Variants in PRX observed in about 807,000 individuals in gnomAD.
PRX encodes periaxin.
In PRX, 24 loss-of-function variants were observed where a neutral mutation model predicts 29.6. The observed-to-expected ratio is 0.81, with a 90% CI of 0.59 to 1.14. The LOEUF (loss-of-function observed/expected upper bound fraction) is 1.14. PRX is among the 50% of genes most tolerant of loss of function. The pLI is 0.00. For missense variants in PRX, 1,838 were observed against 1,926.4 expected, an observed-to-expected ratio of 0.95 and a Z score of 0.86; for synonymous variants, 772 against 831.7, an observed-to-expected ratio of 0.93 and a Z score of 1.24.
chr19:40,394,653 C>G lies in PRX; in HGVS notation c.3699G>C (p.Ala1233=). 1 of 1,608,136 alleles carries G rather than the reference C, an allele frequency of 6.2e-7. No individual in the cohort carries two copies. Among genetic ancestry groups the G allele is most frequent in the Non-Finnish European group, 8.5e-7 (1 of 1,179,856 alleles). ...LDVGLSREAQ[A]GEAATGEGGL... Reference sequence around the variant, plus strand: ...CACCCTCGCCTGTGGCCGCCTCGCCCGCCTGTGCCTCTCGGCTTAGCCCCA... The same window carrying G: ...CACCCTCGCCTGTGGCCGCCTCGCCGGCCTGTGCCTCTCGGCTTAGCCCCA... Residue 1233 remains alanine, a synonymous_variant, in exon 7 of 7, where the codon GCG becomes GCC. Coordinates refer to ENST00000324001, the MANE Select transcript of PRX (RefSeq NM_181882.3). The surrounding 1 kb of genome is among the most constrained non-coding windows in gnomAD (Gnocchi z 5.8).
At chr19:40,404,840 C>T (rs996844619) in intron 4 of PRX, among the ~76,000 whole-genome samples, 1 of 152,104 alleles carries the variant, frequency 6.6e-6, no homozygotes, top group Non-Finnish European at 1.5e-5. Flanking sequence ...TCCCAAAGCA[C>T]TGGGATTACA....
In PRX at chr19:40,397,895, G is replaced by A. The variant is rs760295364; in HGVS notation, c.457C>T (p.Pro153Ser). The change falls in exon 7 of 7, where the codon CCT becomes TCT. Residue 153 changes from proline (P) to serine (S), a missense_variant. Pro to Ser is a moderately conservative substitution (Grantham distance 74). Coordinates refer to ENST00000324001, the MANE Select transcript of PRX (RefSeq NM_181882.3). ...GALGVPADLAPVDVEFSFPKF... is the reference protein window; with the variant it reads ...GALGVPADLASVDVEFSFPKF... Reference sequence around the variant, plus strand: ...GGAAAGGAGAACTCGACGTCAACAGGGGCCAGGTCAGCGGGGACCCCCAGA... The same window carrying A: ...GGAAAGGAGAACTCGACGTCAACAGAGGCCAGGTCAGCGGGGACCCCCAGA... The A allele has an allele frequency of 1.5e-5, 24 of 1,612,268 alleles. No homozygotes were observed. The highest frequency in any genetic ancestry group is 2.0e-5 in the Non-Finnish European group (23 of 1,179,280).
At position 40,397,275 on chromosome 19, in the gene PRX, G is replaced by C. The variant is rs1357784205; in HGVS notation, c.1077C>G (p.Arg359=). ...EAPEVALKMP[R]LSFPRFGARA... ...GAGCCCCAAATCGGGGAAAACTAAGGCGGGGCATCTTCAGGGCCACCTCAG... is the reference window on the plus strand; with the variant it reads ...GAGCCCCAAATCGGGGAAAACTAAGCCGGGGCATCTTCAGGGCCACCTCAG... The change falls in exon 7 of 7, where the codon CGC becomes CGG. Residue 359 remains arginine, a synonymous_variant. Coordinates refer to ENST00000324001, the MANE Select transcript of PRX (RefSeq NM_181882.3). 1 of 1,613,610 alleles carries C rather than the reference G, an allele frequency of 6.2e-7. No homozygotes were observed. The highest frequency in any genetic ancestry group is 8.5e-7 in the Non-Finnish European group (1 of 1,180,022).
Position 40,403,903 on chromosome 19 carries a change from C to T in PRX, c.28-41G>A, listed in dbSNP as rs569095659. On this transcript the variant is annotated intron_variant, in intron 4 of 6. Coordinates refer to ENST00000324001, the MANE Select transcript of PRX (RefSeq NM_181882.3). ...AGGTGTCGCGTTGGGGCTCTAGGGC[C>T]GGACCTCGCCCAGAGCCCGCCATTG... The T allele has an allele frequency of 3.1e-5, 50 of 1,591,252 alleles. No homozygotes were observed. In the South Asian group the frequency reaches 5.4e-4, roughly 17 times the overall value.
Position 40,395,667 on chromosome 19 carries a change from G to T in PRX, c.2685C>A (p.Gly895=). 1.2e-6 allele frequency: 2 copies of T among 1,614,176 alleles called. No individual in the cohort carries two copies. Among genetic ancestry groups the T allele is most frequent in the Non-Finnish European group, 1.7e-6 (2 of 1,180,026 alleles). Residue 895 remains glycine, a synonymous_variant, in exon 7 of 7, where the codon GGC becomes GGA. Coordinates refer to ENST00000324001, the MANE Select transcript of PRX (RefSeq NM_181882.3). ...CAATTTCAACAGAGGGCACTCGGAA[G>T]CCCACTTCCCTGACCCCTGCTGCCA... ...PEVAAGVREV[G]FRVPSVEIVT...
chr19:40,404,305 G>A (rs2079517282), intron 4 of PRX, among the ~76,000 whole-genome samples: 1 of 152,040 alleles, frequency 6.6e-6, no homozygotes, highest in South Asian at 2.1e-4. Context: ...AAGGGGTTAG[G>A]GGAGGAGACG....
Position 40,398,925 on chromosome 19 carries a change from T to C in PRX, c.185-109A>G. The C allele has an allele frequency of 5.1e-6, 8 of 1,560,768 alleles. No individual in the cohort carries two copies. Among genetic ancestry groups the C allele is most frequent in the Non-Finnish European group, 6.9e-6 (8 of 1,153,488 alleles). On this transcript the variant is annotated intron_variant, in intron 5 of 6. Coordinates refer to ENST00000324001, the MANE Select transcript of PRX (RefSeq NM_181882.3). The surrounding 1 kb of genome is among the most constrained non-coding windows in gnomAD (Gnocchi z 6.3). ...CGCGGTGAGGACCCGCCCCAAATTT[T>C]AGTTTCTCCAATCCCCAGCGCAGGA...
chr19:40,402,119 G>A (rs890607230), intron 5 of PRX, among the ~76,000 whole-genome samples: 2 of 152,086 alleles, frequency 1.3e-5, no homozygotes, highest in African/African-American at 2.4e-5. Context: ...TTGGGAGGCC[G>A]AGGAGGGCGG....
In PRX at chr19:40,397,911, GACCCCCAGAGCCCCAGGC is replaced by G. The variant is rs756522973; in HGVS notation, c.423_440del (p.Gly143_Pro148del). 2 of 1,612,914 alleles carry G rather than the reference GACCCCCAGAGCCCCAGGC, an allele frequency of 1.2e-6. No individual in the cohort carries two copies. The highest frequency in any genetic ancestry group is 2.7e-5 in the African/African-American group (2 of 75,056). ...CGTCAACAGGGGCCAGGTCAGCGGG[GACCCCCAGAGCCCCAGGC>G]ACCATCTTCTTCTTCTTCACAGGGG... On this transcript the variant is annotated inframe_deletion, in exon 7 of 7. Coordinates refer to ENST00000324001, the MANE Select transcript of PRX (RefSeq NM_181882.3).
chr19:40,399,859 C>CTT (rs1285567830), intron 5 of PRX, among the ~76,000 whole-genome samples: 3 of 60,490 alleles, frequency 5.0e-5, no homozygotes, highest in African/African-American at 1.8e-4. Context: ...TCCTTTCTTT[C>CTT]TTTCTTTCTT....
chr19:40,396,094 A>G lies in PRX; in HGVS notation c.2258T>C (p.Ile753Thr), dbSNP rs1463907684. 2 of 1,614,196 alleles carry G rather than the reference A, an allele frequency of 1.2e-6. No homozygotes were observed. Among genetic ancestry groups the G allele is most frequent in the Admixed American group, 3.3e-5 (2 of 60,022 alleles). ...PEVQLPKVSE[I>T]RLPEMQVPKV... ...CGGCACTTGCATTTCCGGCAGCCGAATCTCTGACACTTTCGGCAGCTGCAC... is the reference window on the plus strand; with the variant it reads ...CGGCACTTGCATTTCCGGCAGCCGAGTCTCTGACACTTTCGGCAGCTGCAC... Residue 753 changes from isoleucine to threonine, a missense_variant, in exon 7 of 7, where the codon ATT (isoleucine) becomes ACT (threonine). Transcript: ENST00000324001.
At chr19:40,403,644 A>C (rs2079511071) in intron 5 of PRX, 62 bp downstream of exon 5, 1 of 1,496,126 alleles carries the variant, frequency 6.7e-7, no homozygotes, top group South Asian at 1.3e-5. Context: ...CTTTGGACCC[A>C]AGGCAGATTC....
chr19:40,400,364 A>G (rs1341028257), intron 5 of PRX, among the ~76,000 whole-genome samples: 6 of 143,064 alleles, frequency 4.2e-5, no homozygotes, highest in South Asian at 4.8e-4. Context: ...AGGCCGAGGC[A>G]GGTGGATCAC....
chr19:40,404,528 G>T (rs1384398614), intron 4 of PRX, among the ~76,000 whole-genome samples: 1 of 151,880 alleles, frequency 6.6e-6, no homozygotes, highest in African/African-American at 2.4e-5. Flanking sequence ...AATGTGGCCA[G>T]AGTTTATGGG....
intron 5 of PRX, among the ~76,000 whole-genome samples, chr19:40,400,723 C>T (rs537080595): frequency 1.3e-5 from 2 of 152,044 alleles, no homozygotes; most frequent in African/African-American, 2.4e-5. Flanking sequence ...AATGCAGGCC[C>T]GTGCCACCAC....
rs530370432 is a variant in PRX at position 40,396,070 on chromosome 19, G to A, written c.2282C>T (p.Pro761Leu). The A allele has an allele frequency of 4.6e-5, 74 of 1,614,150 alleles. No homozygotes were observed. Among genetic ancestry groups the A allele is most frequent in the Middle Eastern group, 1.6e-4 (1 of 6,062 alleles). ...CGGAAGATGCACGTCGGGAACCTTC[G>A]GCACTTGCATTTCCGGCAGCCGAAT... ...SEIRLPEMQV[P>L]KVPDVHLPKA... Residue 761 changes from proline (P) to leucine (L), a missense_variant, in exon 7 of 7, where the codon CCG (proline) becomes CTG (leucine). This residue lies in a region of PRX where 1,143 missense variants were observed against 1,193.0 expected (regional missense o/e 0.96). Coordinates refer to ENST00000324001, the MANE Select transcript of PRX (RefSeq NM_181882.3).
chr19:40,402,774 C>CAAAAAAACA (rs1555802019), intron 5 of PRX, among the ~76,000 whole-genome samples: 1 of 110,574 alleles, frequency 9.0e-6, no homozygotes, highest in Non-Finnish European at 1.8e-5. Context: ...GACTCCGTCT[C>CAAAAAAACA]AAAAAAAAAA....
In PRX at chr19:40,396,543, C is replaced by T; in HGVS notation, c.1809G>A (p.Val603=). The change falls in exon 7 of 7, where the codon GTG becomes GTA. Residue 603 remains valine (V), a synonymous_variant. Transcript: ENST00000324001. ...CCATCTCGGGCACCTTCGGGAGTTG[C>T]ACTTCAGGGAGTTTCATCTCAGGAA... ...MKLPEMKLPE[V]QLPKVPEMAV... 1 of 1,614,090 alleles carries T rather than the reference C, an allele frequency of 6.2e-7. No individual in the cohort carries two copies. Among genetic ancestry groups the T allele is most frequent in the Non-Finnish European group, 8.5e-7 (1 of 1,180,016 alleles).
chr19:40,396,107 T>C lies in PRX; in HGVS notation c.2245A>G (p.Lys749Glu), dbSNP rs755014286. 8 of 1,614,078 alleles carry C rather than the reference T, an allele frequency of 5.0e-6. No individual in the cohort carries two copies. Among genetic ancestry groups the C allele is most frequent in the Non-Finnish European group, 6.8e-6 (8 of 1,180,048 alleles). Residue 749 changes from lysine (K) to glutamate (E), a missense_variant, in exon 7 of 7, where the codon AAA becomes GAA. Coordinates refer to ENST00000324001, the MANE Select transcript of PRX (RefSeq NM_181882.3). The stretch of plus-strand genomic sequence containing the variant: ...TCCGGCAGCCGAATCTCTGACACTT[T>C]CGGCAGCTGCACCTCGGGGAGGTGC... Reference protein sequence around the residue: ...DVHLPEVQLPKVSEIRLPEMQ... With the variant: ...DVHLPEVQLPEVSEIRLPEMQ...
Sources: gnomAD v4.1 joint callset for allele counts (sites outside exome capture counted in the v4.1 genomes callset) on GRCh38, gnomAD v4.1.1 for gene constraint, gnomAD v4.1.1 regional missense constraint, Gnocchi (gnomAD v3.1) non-coding constraint, MANE v1.5 for transcripts, NCBI Gene and HGNC (gene_info 2026-07-23, HGNC 2026-07-21) for gene names.